The following WNT2B variants were observed in gnomAD, a reference collection of about 807,000 sequenced individuals.
WNT2B encodes Wnt family member 2B, also known as protein Wnt-2b.
Under a neutral mutation model 40.5 loss-of-function variants are expected in WNT2B, and 19 were observed. That is an observed-to-expected ratio of 0.47 (90% confidence interval 0.33 to 0.69). The LOEUF is 0.69. WNT2B is among the 30% of genes least tolerant of loss of function. The probability of loss-of-function intolerance (pLI) is 0.02; values close to 1 mark genes in which losing one functional copy is unlikely to be tolerated. For missense variants in WNT2B, 467 were observed against 556.4 expected (o/e 0.84, Z 1.62); for synonymous variants, 220 against 211.9 (o/e 1.04, Z -0.33).
At chr1:112,520,177 A>C in intron 4 of WNT2B, 103 bp from the exon 5 acceptor site, 1 of 1,230,020 alleles carries the variant, frequency 8.1e-7, no homozygotes. Flanking sequence ...TGCCCAGCCC[A>C]AAAAAGCGAT....
chr1:112,487,538 C>T (rs1181724567), intron 1 of WNT2B, among the ~76,000 whole-genome samples: 3 of 152,020 alleles, frequency 2.0e-5, no homozygotes, highest in Non-Finnish European at 1.5e-5. Context: ...TAACACAATC[C>T]CTATTTTATA....
chr1:112,517,430 T>G, intron 4 of WNT2B, 45 bp downstream of exon 4: 1 of 1,565,058 alleles, frequency 6.4e-7, no homozygotes, highest in Non-Finnish European at 8.7e-7. Flanking sequence ...CAGTTCTTAG[T>G]GCAGGCACCC....
chr1:112,487,134 A>G (rs180765455), intron 1 of WNT2B, among the ~76,000 whole-genome samples: 5 of 152,394 alleles, frequency 3.3e-5, no homozygotes. Context: ...ATACTATTCA[A>G]CAATAAAAAG....
chr1:112,499,162 C>T (rs1043035245), intron 1 of WNT2B, among the ~76,000 whole-genome samples: 47 of 147,264 alleles, frequency 3.2e-4, no homozygotes, highest in African/African-American at 1.1e-3. Flanking sequence ...GCCAAGATCA[C>T]GCCACTGCAC....
At chr1:112,483,210 AC>A in intron 1 of WNT2B, among the ~76,000 whole-genome samples, 1 of 77,108 alleles carries the variant, frequency 1.3e-5, no homozygotes, top group East Asian at 5.1e-4. Flanking sequence ...ACACACACAC[AC>A]ACACACACAC....
chr1:112,470,584 C>T (rs1014089613), intron 1 of WNT2B, among the ~76,000 whole-genome samples: 2 of 152,094 alleles, frequency 1.3e-5, no homozygotes, highest in Non-Finnish European at 2.9e-5. Flanking sequence ...TGAGACTCGT[C>T]TCTAAATAAA....
chr1:112,517,478 G>T, intron 4 of WNT2B, 93 bp downstream of exon 4: 1 of 1,464,740 alleles, frequency 6.8e-7, no homozygotes, highest in Non-Finnish European at 9.1e-7. Flanking sequence ...AGGAGTTAGG[G>T]AAGGGGGTGC....
chr1:112,468,217 C>T (rs1208252106), intron 1 of WNT2B, among the ~76,000 whole-genome samples: 1 of 152,132 alleles, frequency 6.6e-6, no homozygotes, highest in Admixed American at 6.5e-5. Context: ...CGTTGATGGA[C>T]ACTTAGGTTT....
chr1:112,518,518 G>C (rs1271766047), intron 4 of WNT2B: 1 of 152,124 alleles, frequency 6.6e-6, no homozygotes, highest in Non-Finnish European at 1.5e-5. Flanking sequence ...TAGGGTGCTA[G>C]AAGAAAAAAA....
intron 4 of WNT2B, among the ~76,000 whole-genome samples, chr1:112,518,725 G>A (rs910078109): frequency 3.3e-5 from 5 of 152,142 alleles, no homozygotes; most frequent in African/African-American, 1.2e-4. Flanking sequence ...TAAGTCAAAT[G>A]TGTGTTCGTT....
At chr1:112,483,409 A>T (rs895111623) in intron 1 of WNT2B, among the ~76,000 whole-genome samples, 2 of 152,202 alleles carry the variant, frequency 1.3e-5, no homozygotes, top group Non-Finnish European at 2.9e-5. Context: ...GTGTTGGAAA[A>T]ACTGGATATA....
chr1:112,498,397 G>A (rs1651846670), intron 1 of WNT2B, among the ~76,000 whole-genome samples: 1 of 151,944 alleles, frequency 6.6e-6, no homozygotes, highest in Non-Finnish European at 1.5e-5. Flanking sequence ...GGGATTACAG[G>A]CTAATTTTTG....
rs1351167739 is a variant in WNT2B, at chr1:112,528,624, G to A, written c.*8115G>A. ...CTATCCAGTACTGTGATACATTAAT[G>A]TAGGCTTACAGGCCCAGAACCTGGC... On this transcript the variant is annotated 3_prime_UTR_variant, in exon 5 of 5. Coordinates refer to ENST00000369684, the MANE Select transcript of WNT2B (RefSeq NM_024494.3). The A allele has an allele frequency of 3.3e-5, 5 of 152,188 alleles. No homozygotes were observed. The East Asian group carries it at 9.6e-4, about 29-fold the overall frequency. 9.4% of individuals were successfully genotyped at this position (152,188 alleles called of 1,614,324 possible). A position where few individuals can be genotyped will look rare whatever the true frequency, so the allele number is the denominator to read the frequency against.
chr1:112,512,789 A>G (rs1296823911), intron 1 of WNT2B, among the ~76,000 whole-genome samples: 2 of 152,010 alleles, frequency 1.3e-5, no homozygotes, highest in East Asian at 3.9e-4. Flanking sequence ...GCTCAGCTTT[A>G]TTGGAGGCTC....
chr1:112,512,659 C>T (rs1052772274), intron 1 of WNT2B, among the ~76,000 whole-genome samples: 20 of 152,274 alleles, frequency 1.3e-4, no homozygotes, highest in African/African-American at 4.1e-4. Flanking sequence ...TCTACCAGAC[C>T]GTGAGGTGGG....
chr1:112,477,698 CCAAA>C (rs1471057949), intron 1 of WNT2B, among the ~76,000 whole-genome samples: 3 of 151,964 alleles, frequency 2.0e-5, no homozygotes, highest in Non-Finnish European at 4.4e-5. Flanking sequence ...TTTAAAATAA[CCAAA>C]CAAATTATGG....
At chr1:112,502,608 T>C (rs946644633) in intron 1 of WNT2B, among the ~76,000 whole-genome samples, 1 of 151,532 alleles carries the variant, frequency 6.6e-6, no homozygotes, top group African/African-American at 2.4e-5. Flanking sequence ...TTCCCCGCCC[T>C]CCCCCGACCC....
At chr1:112,482,461 G>A (rs1651257857) in intron 1 of WNT2B, among the ~76,000 whole-genome samples, 1 of 152,038 alleles carries the variant, frequency 6.6e-6, no homozygotes, top group Non-Finnish European at 1.5e-5. Flanking sequence ...TCAGCCTACT[G>A]ATAATCTGGG....
chr1:112,517,810 A>G (rs3737136), intron 4 of WNT2B: 29,094 of 156,942 alleles, frequency 0.19, 3,403 homozygotes, highest in East Asian at 0.46. Flanking sequence ...AGATGGAGAA[A>G]TCAATAAAGT....
Sources: gnomAD v4.1 joint callset for allele counts (sites outside exome capture counted in the v4.1 genomes callset) on GRCh38, gnomAD v4.1.1 for gene constraint, MANE v1.5 for transcripts, NCBI Gene and HGNC (gene_info 2026-07-23, HGNC 2026-07-21) for gene names.